Variants in OPCML observed in about 807,000 individuals in gnomAD.
The protein encoded by OPCML is opioid-binding protein/cell adhesion molecule.
In OPCML, 13 loss-of-function variants were observed where a neutral mutation model predicts 37.8. The observed-to-expected ratio is 0.34, with a 90% confidence interval of 0.22 to 0.55. The LOEUF (loss-of-function observed/expected upper bound fraction) is 0.55, where lower values mean the gene tolerates loss of function less well. Ranked by LOEUF, OPCML falls within the 20% of genes least tolerant of loss-of-function variation. The pLI, the probability that OPCML is intolerant of heterozygous loss-of-function variation, is 0.91. For synonymous variants in OPCML, 176 were observed against 168.8 expected, an observed-to-expected ratio of 1.04 and a Z score of -0.33; for missense variants, 341 against 435.6, an observed-to-expected ratio of 0.78 and a Z score of 1.93.
At chr11:133,256,039 G>A (rs1307929848) in intron 1 of OPCML, among the ~76,000 whole-genome samples, 5 of 152,118 alleles carry the variant, frequency 3.3e-5, no homozygotes, top group South Asian at 2.1e-4. Context: ...CTACAAAGGC[G>A]GCTAAGGCTA....
rs74990626 is a variant in OPCML at position 133,209,650 on chromosome 11, G to A, written c.62-266640C>T. On this transcript the variant is annotated intron_variant, in intron 1 of 7. Transcript: ENST00000524381. ...TGCTTACTCAGCTTGGTAACCACCC[G>A]GCTCCTAACACAGTGCACAGCTACG... 1.3e-3 allele frequency among the ~76,000 whole-genome samples: 203 copies of A among 152,252 alleles called. 1 individual carries two copies. The highest frequency in any genetic ancestry group is 4.5e-3 in the African/African-American group (188 of 41,550).
intron 1 of OPCML, among the ~76,000 whole-genome samples, chr11:132,988,545 G>A (rs545524998): frequency 1.1e-4 from 17 of 152,302 alleles, no homozygotes; most frequent in Admixed American, 3.9e-4. Flanking sequence ...GGAGGGCTGC[G>A]CGGCCTTCTT....
intron 4 of OPCML, among the ~76,000 whole-genome samples, chr11:132,491,294 T>G (rs1432115109): frequency 6.6e-6 from 1 of 152,228 alleles, no homozygotes; most frequent in Non-Finnish European, 1.5e-5. Flanking sequence ...ACACTAAGAA[T>G]AAAATCCAAA....
At chr11:132,849,681 G>C (rs1194727083) in intron 2 of OPCML, among the ~76,000 whole-genome samples, 1 of 152,164 alleles carries the variant, frequency 6.6e-6, no homozygotes, top group South Asian at 2.1e-4. Context: ...GAGGAACAGT[G>C]CTCTCAGCAG....
intron 1 of OPCML, chr11:133,361,700 G>A (rs1388402389): frequency 1.3e-5 from 2 of 156,908 alleles, no homozygotes; most frequent in Non-Finnish European, 1.4e-5. Flanking sequence ...GCCCCCATAA[G>A]CGCCTAGAGA....
chr11:132,529,337 G>T, intron 3 of OPCML, 151 bp from the exon 4 acceptor site: 1 of 874,552 alleles, frequency 1.1e-6, no homozygotes, highest in Non-Finnish European at 1.7e-6. Context: ...CAAGGATATG[G>T]CCATATACAT....
At chr11:133,263,270 C>T (rs558777614) in intron 1 of OPCML, among the ~76,000 whole-genome samples, 1 of 152,200 alleles carries the variant, frequency 6.6e-6, no homozygotes, top group Admixed American at 6.5e-5. Context: ...TACAGTCATA[C>T]ATCATATAAT....
Position 133,244,827 on chromosome 11 carries a change from G to C in OPCML, c.61+287437C>G, listed in dbSNP as rs189279815. ...TGTACAGCTGTTGAAGCTGGGAGTC[G>C]ATTAAACTTCATTTCTTCATAAATT... On this transcript the variant is annotated intron_variant, in intron 1 of 7. Transcript: ENST00000524381. Among the ~76,000 whole-genome samples the C allele has an allele frequency of 1.8e-4, 28 of 152,262 alleles. No homozygotes were observed. The East Asian group carries it at 4.4e-3, about 24-fold the overall frequency.
At chr11:132,605,091 G>T (rs1173644617) in intron 3 of OPCML, among the ~76,000 whole-genome samples, 4 of 152,186 alleles carry the variant, frequency 2.6e-5, no homozygotes, top group Non-Finnish European at 5.9e-5. Flanking sequence ...CACGCCAGCT[G>T]TGTGACTTGG....
At chr11:133,367,935 G>T (rs1327893974) in intron 1 of OPCML, among the ~76,000 whole-genome samples, 1 of 152,156 alleles carries the variant, frequency 6.6e-6, no homozygotes, top group Non-Finnish European at 1.5e-5. Context: ...ATGAGTCTTG[G>T]CAGTGTCTGC....
chr11:132,883,555 T>G (rs1015963204), intron 2 of OPCML, among the ~76,000 whole-genome samples: 1 of 152,152 alleles, frequency 6.6e-6, no homozygotes, highest in Non-Finnish European at 1.5e-5. Flanking sequence ...GAAGACTGTC[T>G]TATGAAACAT....
In OPCML at chr11:133,096,092, T is replaced by C. The variant is rs1948998188; in HGVS notation, c.62-153082A>G. On this transcript the variant is annotated intron_variant, in intron 1 of 7. Coordinates refer to ENST00000524381, the MANE Select transcript of OPCML (RefSeq NM_001012393.5). ...TCACCGATCTAACAGATTATGTTTTTTTCAAAGTTATAATAGCAACAAGGT... is the reference window on the plus strand; with the variant it reads ...TCACCGATCTAACAGATTATGTTTTCTTCAAAGTTATAATAGCAACAAGGT... 2.0e-5 allele frequency among the ~76,000 whole-genome samples: 3 copies of C among 151,808 alleles called. No individual in the cohort carries two copies. In the South Asian group the frequency reaches 6.2e-4, roughly 32 times the overall value.
intron 2 of OPCML, among the ~76,000 whole-genome samples, chr11:132,904,531 T>C (rs1396984695): frequency 3.3e-5 from 5 of 152,224 alleles, no homozygotes; most frequent in Non-Finnish European, 7.3e-5. Context: ...TGGAGAATTG[T>C]TTCCAAACAA....
At chr11:133,422,145 G>GTGTT in intron 1 of OPCML, 1 of 969,804 alleles carries the variant, frequency 1.0e-6, no homozygotes, top group Non-Finnish European at 1.2e-6. Flanking sequence ...AGGCCCCGAT[G>GTGTT]TGTTTGTTTG....
intron 1 of OPCML, chr11:133,025,591 T>C (rs1947538360): frequency 2.0e-6 from 1 of 498,552 alleles, no homozygotes; most frequent in Non-Finnish European, 2.6e-6. Flanking sequence ...TATTTTAATT[T>C]CATTCTTTTT....
intron 2 of OPCML, among the ~76,000 whole-genome samples, chr11:132,822,123 C>T (rs1387121586): frequency 1.3e-5 from 2 of 152,136 alleles, no homozygotes; most frequent in East Asian, 3.9e-4. Context: ...TGACTGGAGA[C>T]ACCCGTGATA....
At chr11:133,191,504 GGTGTGTGTGT>G (rs56143154) in intron 1 of OPCML, among the ~76,000 whole-genome samples, 202 of 142,456 alleles carry the variant, frequency 1.4e-3, no homozygotes, top group African/African-American at 4.9e-3. Context: ...TGTGTGTGTG[GGTGTGTGTGT>G]GTGTGTGTGT....
At chr11:132,629,145 C>T (rs1368894152) in intron 3 of OPCML, among the ~76,000 whole-genome samples, 1 of 152,122 alleles carries the variant, frequency 6.6e-6, no homozygotes, top group Admixed American at 6.5e-5. Context: ...ACTTCTTCTG[C>T]TTCCCAGCCC....
At chr11:133,203,932 C>T (rs572039784) in intron 1 of OPCML, among the ~76,000 whole-genome samples, 1 of 151,820 alleles carries the variant, frequency 6.6e-6, no homozygotes, top group African/African-American at 2.4e-5. Context: ...GTGGTGGGCA[C>T]CTGTGGTCCC....
Sources: gnomAD v4.1 joint callset for allele counts (sites outside exome capture counted in the v4.1 genomes callset) on GRCh38, gnomAD v4.1.1 for gene constraint, MANE v1.5 for transcripts, NCBI Gene and HGNC (gene_info 2026-07-23, HGNC 2026-07-21) for gene names.